Variants in CAPN13 observed in about 807,000 individuals in gnomAD.
CAPN13 encodes calpain 13, also known as calpain-13.
In CAPN13, 90 loss-of-function variants were observed where a neutral mutation model predicts 98.4. That is an observed-to-expected ratio of 0.92 (90% confidence interval 0.77 to 1.09). The LOEUF (loss-of-function observed/expected upper bound fraction) is 1.09, where lower values mean the gene tolerates loss of function less well. CAPN13 is among the 50% of genes least tolerant of loss of function. CAPN13 has a pLI of 0.00. For missense variants in CAPN13, 887 were observed against 841.3 expected (o/e 1.05, Z -0.67); for synonymous variants, 330 against 305.5 (o/e 1.08, Z -0.84).
In CAPN13 at chr2:30,764,596, T is replaced by C. The variant is rs1331132669; in HGVS notation, c.525-290A>G. On this transcript the variant is annotated intron_variant, in intron 5 of 22. Coordinates refer to ENST00000295055, the MANE Select transcript of CAPN13 (RefSeq NM_144575.3). ...GAGTGCCTGTGCTGGAGGCACAGGTTGAACCCCACCTTTGCCACGTATTTG... is the reference window on the plus strand; with the variant it reads ...GAGTGCCTGTGCTGGAGGCACAGGTCGAACCCCACCTTTGCCACGTATTTG... Among the ~76,000 whole-genome samples the C allele has an allele frequency of 2.6e-5, 4 of 152,280 alleles. No individual in the cohort carries two copies. In the East Asian group the frequency reaches 7.7e-4, roughly 29 times the overall value.
chr2:30,738,326 T>G, intron 16 of CAPN13, 33 bp from the exon 17 acceptor site: 1 of 1,613,656 alleles, frequency 6.2e-7, no homozygotes. Flanking sequence ...GACTGAAGTG[T>G]TGACAGTGGG....
At chr2:30,769,291 T>C (rs1572847481) in intron 5 of CAPN13, among the ~76,000 whole-genome samples, 1 of 151,902 alleles carries the variant, frequency 6.6e-6, no homozygotes, top group African/African-American at 2.4e-5. Flanking sequence ...TATTGTCGGG[T>C]TGTCCTTCAG....
At position 30,743,546 on chromosome 2, in the gene CAPN13, A is replaced by G. The variant is rs749023212; in HGVS notation, c.1282T>C (p.Ser428Pro). Residue 428 changes from serine to proline, a missense_variant, in exon 13 of 23, where the codon TCC becomes CCC. By Grantham distance (74) the Ser-to-Pro change is moderately conservative. Transcript: ENST00000295055. ...CTTTGGACAGTGTTTCTGAACGAGG[A>G]AAAAAACACGGGTGGAAATTTCTCC... ...FREKFPPVFF[S>P]SFRNTVQSSN... 5 of 1,613,946 alleles carry G rather than the reference A, an allele frequency of 3.1e-6. No individual in the cohort carries two copies. Among genetic ancestry groups the G allele is most frequent in the East Asian group, 2.2e-5 (1 of 44,880 alleles).
chr2:30,804,180 G>A (rs1450045671), intron 1 of CAPN13, among the ~76,000 whole-genome samples: 2 of 152,158 alleles, frequency 1.3e-5, no homozygotes, highest in African/African-American at 4.8e-5. Context: ...TGGTTCCTTT[G>A]TTTTGGCTTT....
At chr2:30,743,344 A>C in intron 13 of CAPN13, 39 bp downstream of exon 13, 1 of 1,543,296 alleles carries the variant, frequency 6.5e-7, no homozygotes, top group Non-Finnish European at 9.0e-7. Flanking sequence ...TATAAAGTTA[A>C]GTAGAATAAA....
At chr2:30,755,660 C>A (rs995778050) in intron 8 of CAPN13, among the ~76,000 whole-genome samples, 3 of 152,112 alleles carry the variant, frequency 2.0e-5, no homozygotes, top group Admixed American at 1.3e-4. Context: ...CTCAATGAGA[C>A]CTTTCTCCTG....
intron 5 of CAPN13, among the ~76,000 whole-genome samples, chr2:30,765,005 C>A (rs1253162658): frequency 6.6e-6 from 1 of 152,196 alleles, no homozygotes; most frequent in East Asian, 1.9e-4. Context: ...ATAACATACC[C>A]CAAAAGCTTA....
intron 5 of CAPN13, among the ~76,000 whole-genome samples, chr2:30,767,099 C>T (rs75432805): frequency 0.018 from 2,750 of 152,284 alleles, 95 homozygotes; most frequent in African/African-American, 0.063. Context: ...TGGGAAATAG[C>T]GACTAGGGAA....
At chr2:30,762,352 C>A (rs1423429502) in intron 7 of CAPN13, among the ~76,000 whole-genome samples, 5 of 152,244 alleles carry the variant, frequency 3.3e-5, no homozygotes. Context: ...GCCTCCTCCT[C>A]TTCCATGAGA....
At position 30,805,274 on chromosome 2, in the gene CAPN13, C is replaced by T. The variant is rs58586911; in HGVS notation, c.-33+2028G>A. Among the ~76,000 whole-genome samples the T allele has an allele frequency of 6.0e-3, 914 of 152,290 alleles. 3 individuals carry two copies. The highest frequency in any genetic ancestry group is 0.019 in the African/African-American group (797 of 41,560). On this transcript the variant is annotated intron_variant, in intron 1 of 22. Transcript: ENST00000295055. ...CTTCCAAGGCACAATGCATCTGCAA[C>T]GCCAGTCCAGAGGGGCCCTGCTTTG... is the stretch of plus-strand genomic sequence containing the variant.
chr2:30,736,179 C>T (rs564387044), intron 18 of CAPN13, among the ~76,000 whole-genome samples: 9 of 115,324 alleles, frequency 7.8e-5, no homozygotes, highest in East Asian at 5.8e-4. Flanking sequence ...GTGGATTGGA[C>T]GGGAATGAGA....
chr2:30,742,890 C>A (rs1024899440), intron 13 of CAPN13, among the ~76,000 whole-genome samples: 48 of 152,226 alleles, frequency 3.2e-4, no homozygotes, highest in African/African-American at 1.1e-3. Context: ...CCCTGCTATA[C>A]CCCACATTTC....
intron 15 of CAPN13, among the ~76,000 whole-genome samples, chr2:30,739,873 A>C (rs1271569392): frequency 6.6e-6 from 1 of 152,176 alleles, no homozygotes; most frequent in East Asian, 1.9e-4. Flanking sequence ...CAAGATGCCC[A>C]AAAGCTATTC....
chr2:30,749,813 T>A (rs968145336), intron 11 of CAPN13, among the ~76,000 whole-genome samples: 9 of 152,158 alleles, frequency 5.9e-5, no homozygotes, highest in Non-Finnish European at 1.3e-4. Context: ...CGGTGTATGG[T>A]TTGAGAACCT....
rs140938095 is a variant in CAPN13 at position 30,725,686 on chromosome 2, C to T, written c.*31-2450G>A. Among the ~76,000 whole-genome samples, 159 of 152,302 alleles carry T rather than the reference C, an allele frequency of 1.0e-3. 1 individual carries two copies. In the Middle Eastern group the frequency reaches 0.014, roughly 13 times the overall value. ...GAGAGGGACTTCTCTGGATCGAATCCTGGCTAACGATAAAAGTCTCTTTGC... is the reference window on the plus strand; with the variant it reads ...GAGAGGGACTTCTCTGGATCGAATCTTGGCTAACGATAAAAGTCTCTTTGC... On this transcript the variant is annotated intron_variant, in intron 22 of 22. Coordinates refer to ENST00000295055, the MANE Select transcript of CAPN13 (RefSeq NM_144575.3).
intron 11 of CAPN13, among the ~76,000 whole-genome samples, chr2:30,748,971 T>C (rs62142185): frequency 1.3e-5 from 2 of 152,096 alleles, no homozygotes; most frequent in Non-Finnish European, 2.9e-5. Context: ...CAGAAAGGCA[T>C]GCACCTAAGC....
At chr2:30,763,701 C>T (rs996612232) in intron 6 of CAPN13, among the ~76,000 whole-genome samples, 10 of 152,176 alleles carry the variant, frequency 6.6e-5, no homozygotes, top group Admixed American at 6.5e-4. Flanking sequence ...TGGGTGCTGC[C>T]ATTAGAGCCA....
In CAPN13 at chr2:30,722,925, C is replaced by T. The variant is rs1670742457; in HGVS notation, c.*342G>A. The T allele has an allele frequency of 6.6e-6, 1 of 152,252 alleles. No individual in the cohort carries two copies. Among genetic ancestry groups the T allele is most frequent in the East Asian group, 1.9e-4 (1 of 5,194 alleles). The allele number at this position is 152,252 out of a possible 1,614,324, so 9.4% of individuals were successfully genotyped here. A position where few individuals can be genotyped will look rare whatever the true frequency, so the allele number is the denominator to read the frequency against. On this transcript the variant is annotated 3_prime_UTR_variant, in exon 23 of 23. Coordinates refer to ENST00000295055, the MANE Select transcript of CAPN13 (RefSeq NM_144575.3). ...TCAAAGTGGCTCATTCTGGCTCTTC[C>T]AAGAAATGAATCCAACTGGTGACAG...
chr2:30,740,367 A>G (rs1671596022), intron 15 of CAPN13, among the ~76,000 whole-genome samples: 1 of 152,222 alleles, frequency 6.6e-6, no homozygotes, highest in African/African-American at 2.4e-5. Flanking sequence ...TGCTGGGATG[A>G]CAGGCGTCAG....
Sources: allele counts gnomAD v4.1 joint callset (sites outside exome capture counted in the v4.1 genomes callset), GRCh38; gene constraint gnomAD v4.1.1; transcripts MANE v1.5; gene names NCBI Gene and HGNC (gene_info 2026-07-23, HGNC 2026-07-21).